PRMT7: variants seen among roughly 807,000 people sequenced by gnomAD.
The protein encoded by PRMT7 is protein arginine methyltransferase 7.
Under a neutral mutation model 85.4 loss-of-function variants are expected in PRMT7, and 75 were observed. The ratio of observed to expected loss-of-function variants is 0.88; its 90% CI spans 0.73 to 1.06. The LOEUF (loss-of-function observed/expected upper bound fraction) is 1.06. Among genes scored for constraint, PRMT7 ranks in the 50% least tolerant of loss-of-function variants. The pLI is 0.00. For synonymous variants in PRMT7, 397 were observed against 359.5 expected (o/e 1.10, Z -1.18); for missense variants, 868 against 915.2 (o/e 0.95, Z 0.67).
intron 6 of PRMT7, among the ~76,000 whole-genome samples, chr16:68,335,019 A>ACT (rs2084453522): frequency 6.6e-6 from 1 of 151,940 alleles, no homozygotes; most frequent in Non-Finnish European, 1.5e-5. Context: ...CTGGTATCGA[A>ACT]CTCCTGGCCT....
At position 68,321,549 on chromosome 16, in the gene PRMT7, A is replaced by G. The variant is rs556960626; in HGVS notation, c.132+87A>G. ...AGGTTAAGAATCCCTGGGGGTCATG[A>G]TGTTAAATGATACTGAGAGGCGTAT... is the stretch of plus-strand genomic sequence containing the variant. On this transcript the variant is annotated intron_variant, in intron 4 of 18. Transcript: ENST00000441236. 24 of 1,274,270 alleles carry G rather than the reference A, an allele frequency of 1.9e-5. No homozygotes were observed. In the Admixed American group the frequency reaches 3.5e-4, roughly 19 times the overall value. The allele number at this position is 1,274,270 out of a possible 1,614,324, so 78.9% of individuals were successfully genotyped here.
intron 3 of PRMT7, among the ~76,000 whole-genome samples, chr16:68,316,505 C>G (rs1250420184): frequency 2.6e-5 from 4 of 152,084 alleles, no homozygotes; most frequent in Admixed American, 2.6e-4. Context: ...GTGGCTCACG[C>G]CTCTAATCCT....
At chr16:68,329,901 A>ACACACACACAT (rs1555550207) in intron 6 of PRMT7, among the ~76,000 whole-genome samples, 8 of 147,828 alleles carry the variant, frequency 5.4e-5, no homozygotes, top group Non-Finnish European at 1.0e-4. Context: ...ACACACACAT[A>ACACACACACAT]TTTTTTTTTT....
chr16:68,347,664 A>C lies in PRMT7; in HGVS notation c.1309A>C (p.Lys437Gln). 6.2e-7 allele frequency: 1 copy of C among 1,613,962 alleles called. No individual in the cohort carries two copies. Among genetic ancestry groups the C allele is most frequent in the Non-Finnish European group, 8.5e-7 (1 of 1,179,852 alleles). Residue 437 changes from lysine to glutamine, a missense_variant, in exon 13 of 19, where the codon AAA becomes CAA. By Grantham distance (53) the Lys-to-Gln change is moderately conservative (BLOSUM62 1). Coordinates refer to ENST00000441236, the MANE Select transcript of PRMT7 (RefSeq NM_019023.5). ...FTVESSAASH[K>Q]LLRKIFKANH... ...AGTCGAGAGTTCAGCAGCTTCTCAC[A>C]AACTGTTGAGAAAAGTAAGTGAGAA...
chr16:68,359,750 C>G (rs1349505872), downstream of PRMT7: 1 of 152,520 alleles, frequency 6.6e-6, no homozygotes, highest in African/African-American at 2.4e-5. Flanking sequence ...AACAGTCCCT[C>G]AAGTTGAGTC....
chr16:68,341,937 C>G (rs1274578972), intron 9 of PRMT7, among the ~76,000 whole-genome samples: 1 of 152,166 alleles, frequency 6.6e-6, no homozygotes, highest in African/African-American at 2.4e-5. Flanking sequence ...ACCTGATGAT[C>G]TTTCATTCAG....
At chr16:68,332,760 GCT>G (rs2084083072) in intron 6 of PRMT7, among the ~76,000 whole-genome samples, 1 of 152,178 alleles carries the variant, frequency 6.6e-6, no homozygotes, top group Non-Finnish European at 1.5e-5. Flanking sequence ...AGACTGCCGT[GCT>G]CTGTGTCACC....
In PRMT7 at chr16:68,357,182, C is replaced by T. The variant is rs779127445; in HGVS notation, c.2037C>T (p.Gly679=). 1.9e-5 allele frequency: 31 copies of T among 1,613,792 alleles called. No homozygotes were observed. Among genetic ancestry groups the T allele is most frequent in the Middle Eastern group, 1.6e-4 (1 of 6,084 alleles). Residue 679 remains glycine, a synonymous_variant, in exon 19 of 19, where the codon GGC becomes GGT. Coordinates refer to ENST00000441236, the MANE Select transcript of PRMT7 (RefSeq NM_019023.5). ...SYAVEFHPDT[G]DIIMEFRHAD... is the part of the protein sequence containing the mutation. ...CAGTGGAGTTTCACCCCGACACAGG[C>T]GACATCATCATGGAGTTCAGGCATG...
At chr16:68,320,778 A>G (rs374523452) in intron 3 of PRMT7, among the ~76,000 whole-genome samples, 3 of 152,286 alleles carry the variant, frequency 2.0e-5, no homozygotes, top group East Asian at 3.9e-4. Context: ...TTTCTGCAGC[A>G]CTAGAGAATA....
At chr16:68,359,339 G>C (rs968949490), downstream of PRMT7, 1 of 152,378 alleles carries the variant, frequency 6.6e-6, no homozygotes, top group African/African-American at 2.4e-5. Flanking sequence ...GCCGGGCAGA[G>C]AGCCCAGCAG....
At chr16:68,350,127 T>C (rs921857179) in intron 14 of PRMT7, among the ~76,000 whole-genome samples, 4 of 152,258 alleles carry the variant, frequency 2.6e-5, no homozygotes, top group Non-Finnish European at 5.9e-5. Context: ...TTCGTTCTTT[T>C]GAAGGCTGTG....
chr16:68,355,565 CAG>C, intron 16 of PRMT7, 156 bp from the exon 17 acceptor site: 1 of 683,578 alleles, frequency 1.5e-6, no homozygotes, highest in Non-Finnish European at 2.2e-6. Flanking sequence ...AGAGAAGTGG[CAG>C]AGAGGGGGCG....
At chr16:68,336,792 G>A (rs747136307) in intron 6 of PRMT7, among the ~76,000 whole-genome samples, 3 of 152,052 alleles carry the variant, frequency 2.0e-5, no homozygotes, top group Admixed American at 1.3e-4. Flanking sequence ...TCACTCTGTC[G>A]CGCAGGCTGG....
intron 11 of PRMT7, 21 bp downstream of exon 11, chr16:68,346,301 CTTG>C (rs758574586): frequency 1.2e-5 from 20 of 1,612,452 alleles, no homozygotes; most frequent in Non-Finnish European, 1.7e-5. Context: ...AGCCCCTTGG[CTTG>C]TTGTGGGGAA....
chr16:68,337,448 G>A lies in PRMT7; in HGVS notation c.392-11G>A, dbSNP rs549774043. The A allele has an allele frequency of 2.6e-5, 41 of 1,589,264 alleles. No homozygotes were observed. The East Asian group carries it at 8.3e-4, about 32-fold the overall frequency. On this transcript the variant is annotated splice_polypyrimidine_tract_variant and intron_variant, in intron 6 of 18. Transcript: ENST00000441236. Reference sequence around the variant, plus strand: ...TGCTTATGTCCAACTCTGTTTTCTTGTGTTTTTCAGAGGGTGACATGCCAT... The same window carrying A: ...TGCTTATGTCCAACTCTGTTTTCTTATGTTTTTCAGAGGGTGACATGCCAT...
chr16:68,330,831 G>A (rs544343519), intron 6 of PRMT7, among the ~76,000 whole-genome samples: 43 of 152,270 alleles, frequency 2.8e-4, no homozygotes, highest in African/African-American at 9.9e-4. Flanking sequence ...CTGACCTCAG[G>A]TGACCAGCCT....
intron 3 of PRMT7, 75 bp downstream of exon 3, chr16:68,316,149 C>A: frequency 7.7e-7 from 1 of 1,290,974 alleles, no homozygotes; most frequent in Non-Finnish European, 1.1e-6. Context: ...GGGCTCCAGT[C>A]TGAGCGTGGG....
chr16:68,337,296 A>T (rs1262131802), intron 6 of PRMT7, among the ~76,000 whole-genome samples, 163 bp from the exon 7 acceptor site: 2 of 151,282 alleles, frequency 1.3e-5, no homozygotes, highest in East Asian at 1.9e-4. Flanking sequence ...TTCCTGAACC[A>T]TTGGCAAGTC....
chr16:68,339,993 G>T lies in PRMT7; in HGVS notation c.927+25G>T, dbSNP rs1289883717. The T allele has an allele frequency of 5.7e-6, 9 of 1,576,632 alleles. No individual in the cohort carries two copies. In the East Asian group the frequency reaches 2.0e-4, roughly 36 times the overall value. ...GGTAAGAGGCAGGAGCCTAGCATGT[G>T]CCCTGTCAGGAAACTTGTCCACTGC... On this transcript the variant is annotated intron_variant, in intron 9 of 18. Transcript: ENST00000441236.
Sources: gnomAD v4.1 joint callset for allele counts (sites outside exome capture counted in the v4.1 genomes callset) on GRCh38, gnomAD v4.1.1 for gene constraint, MANE v1.5 for transcripts, NCBI Gene and HGNC (gene_info 2026-07-23, HGNC 2026-07-21) for gene names.